The following WDR86 variants were observed in gnomAD, a reference collection of about 807,000 sequenced individuals.
WDR86 encodes WD repeat domain 86.
A neutral mutation model predicts 36.5 loss-of-function variants in WDR86; 30 were observed. The ratio of observed to expected loss-of-function variants is 0.82; its 90% CI spans 0.61 to 1.11. The LOEUF is 1.11. Ranked by LOEUF, WDR86 falls within the 50% of genes most tolerant of loss-of-function variation. The pLI is 0.00. For synonymous variants in WDR86, 255 were observed against 252.9 expected, an observed-to-expected ratio of 1.01 and a Z score of -0.08; for missense variants, 545 against 561.2, an observed-to-expected ratio of 0.97 and a Z score of 0.29.
downstream of WDR86, among the ~76,000 whole-genome samples, chr7:151,373,885 C>A (rs1184169881): frequency 1.3e-5 from 2 of 152,236 alleles, no homozygotes; most frequent in Non-Finnish European, 2.9e-5. Context: ...ACTTCCACTG[C>A]CTGCCTCAGA....
the WDR86 span, among the ~76,000 whole-genome samples, chr7:151,370,232 G>T: frequency 6.6e-6 from 1 of 151,970 alleles, no homozygotes; most frequent in Non-Finnish European, 1.5e-5. Context: ...AATTACAGGT[G>T]CCCACCACCA....
At chr7:151,382,076 GA>G in intron 4 of WDR86, 95 bp from the exon 5 acceptor site, 1 of 1,086,586 alleles carries the variant, frequency 9.2e-7, no homozygotes, top group South Asian at 1.5e-5. Flanking sequence ...GCGTCTCCGA[GA>G]CTCCGCCCCA....
Position 151,406,053 on chromosome 7 carries a change from T to C in WDR86, c.163+3374A>G, listed in dbSNP as rs1157719793. 6.6e-6 allele frequency among the ~76,000 whole-genome samples: 1 copy of C among 152,200 alleles called. No individual in the cohort carries two copies. Among genetic ancestry groups the C allele is most frequent in the Admixed American group, 6.5e-5 (1 of 15,284 alleles). ...AACCTGAAAAAGAGGAGGTCAGGGA[T>C]AAGCAAGTGGCAAGTAATTCTTCTC... On this transcript the variant is annotated intron_variant, in intron 1 of 5. Coordinates refer to ENST00000334493, the MANE Select transcript of WDR86 (RefSeq NM_198285.3). The surrounding 1 kb of genome is among the most constrained non-coding windows in gnomAD (Gnocchi z 4.4).
chr7:151,376,262 C>T (rs1011748592), downstream of WDR86: 4 of 465,992 alleles, frequency 8.6e-6, no homozygotes, highest in African/African-American at 5.9e-5. Context: ...CCTGGGAAAC[C>T]CATCCAGCTT....
intron 3 of WDR86, among the ~76,000 whole-genome samples, chr7:151,389,142 G>C (rs1372546525): frequency 7.6e-6 from 1 of 130,810 alleles, no homozygotes; most frequent in African/African-American, 2.9e-5. Context: ...TTTTGTTTGA[G>C]ATGAGGTTTC....
downstream of WDR86, among the ~76,000 whole-genome samples, chr7:151,374,932 G>T (rs1798140657): frequency 6.6e-6 from 1 of 152,152 alleles, no homozygotes; most frequent in South Asian, 2.1e-4. Flanking sequence ...GCTGTGTGGA[G>T]GCAGCAGTCC....
chr7:151,398,353 ATGT>A (rs1228647976), intron 2 of WDR86, among the ~76,000 whole-genome samples: 4 of 151,688 alleles, frequency 2.6e-5, no homozygotes, highest in East Asian at 1.9e-4. Context: ...GTGCATATGT[ATGT>A]TGTGTATGTG....
Position 151,400,244 on chromosome 7 carries a change from GC to G in WDR86, c.164-4del. 6.3e-7 allele frequency: 1 copy of G among 1,599,416 alleles called. No homozygotes were observed. The highest frequency in any genetic ancestry group is 8.5e-7 in the Non-Finnish European group (1 of 1,172,072). ...GAAGGTCACATAGCTTTCATGTCCT[GC>G]AGATGAGGGACAGGGGAGATGTGAG... On this transcript the variant is annotated splice_polypyrimidine_tract_variant and splice_region_variant and intron_variant, in intron 1 of 5. Coordinates refer to ENST00000334493, the MANE Select transcript of WDR86 (RefSeq NM_198285.3).
downstream of WDR86, chr7:151,374,526 C>A: frequency 2.0e-6 from 1 of 505,726 alleles, no homozygotes; most frequent in Non-Finnish European, 3.6e-6. Context: ...TTTCTGTGTG[C>A]AGCAGAGTTT....
downstream of WDR86, among the ~76,000 whole-genome samples, chr7:151,373,429 T>G (rs1021046376): frequency 4.6e-5 from 7 of 152,158 alleles, no homozygotes; most frequent in Admixed American, 2.6e-4. Flanking sequence ...GTGAAGAGAC[T>G]AGAACCCTCT....
At chr7:151,391,525 G>C (rs1799438992) in intron 3 of WDR86, among the ~76,000 whole-genome samples, 1 of 152,186 alleles carries the variant, frequency 6.6e-6, no homozygotes, top group Admixed American at 6.5e-5. Flanking sequence ...GGGTGAGCTG[G>C]GAGCCCGGGC....
At position 151,381,229 on chromosome 7, in the gene WDR86, C is replaced by T; in HGVS notation, c.*353G>A. On this transcript the variant is annotated 3_prime_UTR_variant, in exon 6 of 6. Transcript: ENST00000334493. The surrounding 1 kb of genome is among the most constrained non-coding windows in gnomAD (Gnocchi z 4.8). ...GCTTCTGTAAAAAGTCACTTCCTCTCAGCAGGAAAGGCCCAGTTTCGTGGG... is the reference window on the plus strand; with the variant it reads ...GCTTCTGTAAAAAGTCACTTCCTCTTAGCAGGAAAGGCCCAGTTTCGTGGG... 2 of 1,286,742 alleles carry T rather than the reference C, an allele frequency of 1.6e-6. No homozygotes were observed. The highest frequency in any genetic ancestry group is 9.8e-7 in the Non-Finnish European group (1 of 1,021,422). The allele number at this position is 1,286,742 out of a possible 1,614,324, so 79.7% of individuals were successfully genotyped here.
chr7:151,398,254 CAT>C (rs761554737), intron 2 of WDR86, among the ~76,000 whole-genome samples: 124 of 151,466 alleles, frequency 8.2e-4, no homozygotes, highest in Non-Finnish European at 1.3e-3. Flanking sequence ...GTTGTGTGTG[CAT>C]ATGTGTGTGT....
rs776499192 is a variant in WDR86, at chr7:151,385,201, G to C, written c.749C>G (p.Ser250Cys). Residue 250 changes from serine to cysteine, a missense_variant, in exon 4 of 6, where the codon TCT (serine) becomes TGT (cysteine). Transcript: ENST00000334493. ...CLELVNRLVYSGSADRTVKCW... is the reference protein window; with the variant it reads ...CLELVNRLVYCGSADRTVKCW... ...CTTGACGGTCCTGTCCGCGCTGCCA[G>C]AGTACACGAGTCGGTTCACCAGCTG... 2 of 1,612,534 alleles carry C rather than the reference G, an allele frequency of 1.2e-6. No homozygotes were observed. The highest frequency in any genetic ancestry group is 1.7e-6 in the Non-Finnish European group (2 of 1,179,874).
At chr7:151,377,892 T>G (rs894106220), downstream of WDR86, 1 of 152,196 alleles carries the variant, frequency 6.6e-6, no homozygotes, top group South Asian at 2.1e-4. Context: ...TTTATATATA[T>G]TCAGCATTCC....
chr7:151,393,741 G>A (rs182958466), intron 3 of WDR86, among the ~76,000 whole-genome samples: 5 of 152,242 alleles, frequency 3.3e-5, no homozygotes, highest in African/African-American at 1.2e-4. Flanking sequence ...GAACTGCCTG[G>A]CAGGAAAGAG....
chr7:151,387,225 C>T (rs137875140), intron 3 of WDR86, among the ~76,000 whole-genome samples: 8 of 152,272 alleles, frequency 5.3e-5, no homozygotes, highest in African/African-American at 1.7e-4. Flanking sequence ...GCTGCTCAGC[C>T]CCTGCACCAA....
intron 2 of WDR86, among the ~76,000 whole-genome samples, chr7:151,398,242 G>GTGT (rs565735444): frequency 1.1e-4 from 16 of 152,132 alleles, no homozygotes; most frequent in African/African-American, 3.9e-4. Flanking sequence ...GTGCATGTGT[G>GTGT]TGTTGTGTGT....
chr7:151,389,109 T>A (rs1434531882), intron 3 of WDR86, among the ~76,000 whole-genome samples: 9 of 134,462 alleles, frequency 6.7e-5, no homozygotes, highest in African/African-American at 2.6e-4. Context: ...CCTTTTTTTC[T>A]TTTCTTTCCT....
Sources: gnomAD v4.1 joint callset for allele counts (sites outside exome capture counted in the v4.1 genomes callset) on GRCh38, gnomAD v4.1.1 for gene constraint, Gnocchi (gnomAD v3.1) non-coding constraint, MANE v1.5 for transcripts, NCBI Gene and HGNC (gene_info 2026-07-23, HGNC 2026-07-21) for gene names.